The following IGF2R variants were observed in gnomAD, a reference collection of about 807,000 sequenced individuals.
IGF2R encodes insulin like growth factor 2 receptor.
IGF2R carries 91 observed loss-of-function variants against 270.6 expected under a neutral mutation model. That is an observed-to-expected ratio of 0.34 (90% CI 0.28 to 0.40). The LOEUF (loss-of-function observed/expected upper bound fraction) is 0.40. Ranked by LOEUF, IGF2R falls within the 10% of genes least tolerant of loss-of-function variation. The probability of loss-of-function intolerance (pLI) is 1.00; values close to 1 mark genes in which losing one functional copy is unlikely to be tolerated. For missense variants in IGF2R, 2,805 were observed against 3,188.3 expected (o/e 0.88, Z 2.90); for synonymous variants, 1,316 against 1,258.9 (o/e 1.05, Z -0.96).
Position 160,102,509 on chromosome 6 carries a change from G to C in IGF2R, c.6843-10G>C. On this transcript the variant is annotated splice_polypyrimidine_tract_variant and intron_variant, in intron 45 of 47. Transcript: ENST00000356956. The surrounding 1 kb of genome is among the most constrained non-coding windows in gnomAD (Gnocchi z 4.5). ...TGTGACACGGCTCCTTTTCTGTGAC[G>C]TCCTTGCAGGGTGGGCTTTGACAGC... The C allele has an allele frequency of 6.2e-7, 1 of 1,609,702 alleles. No homozygotes were observed. The highest frequency in any genetic ancestry group is 8.5e-7 in the Non-Finnish European group (1 of 1,178,150).
intron 4 of IGF2R, among the ~76,000 whole-genome samples, chr6:160,015,348 A>G (rs2115212074): frequency 6.6e-6 from 1 of 152,358 alleles, no homozygotes; most frequent in East Asian, 1.9e-4. Flanking sequence ...TATTTTGGAA[A>G]TAAAACTTAC....
At position 160,059,057 on chromosome 6, in the gene IGF2R, G is replaced by A. The variant is rs143815364; in HGVS notation, c.3050G>A (p.Gly1017Asp). 8.1e-6 allele frequency: 13 copies of A among 1,614,214 alleles called. No homozygotes were observed. The highest frequency in any genetic ancestry group is 5.3e-5 in the African/African-American group (4 of 75,064). ...AAAAGCCTCCAGCTGTCCACAGAGG[G>A]CTTCATCACTCTGACCTACAAAGGG... is the stretch of plus-strand genomic sequence containing the variant. ...IEKSLQLSTE[G>D]FITLTYKGPL... The change falls in exon 22 of 48, where the codon GGC (glycine) becomes GAC (aspartate). Residue 1017 changes from glycine to aspartate, a missense_variant. Around this residue, in one of 2 missense-constraint regions of IGF2R, gnomAD observed 1,851 missense variants for 2,207.2 expected, o/e 0.84. Coordinates refer to ENST00000356956, the MANE Select transcript of IGF2R (RefSeq NM_000876.4).
chr6:159,987,006 A>T (rs1783898425), intron 1 of IGF2R, among the ~76,000 whole-genome samples: 1 of 152,186 alleles, frequency 6.6e-6, no homozygotes, highest in Non-Finnish European at 1.5e-5. Flanking sequence ...AGTCTGTAAT[A>T]ATTTTATTGC....
intron 41 of IGF2R, among the ~76,000 whole-genome samples, 176 bp downstream of exon 41, chr6:160,085,307 C>A (rs919523648): frequency 6.6e-6 from 1 of 152,102 alleles, no homozygotes; most frequent in Non-Finnish European, 1.5e-5. Context: ...AAAATAAGTG[C>A]TGCTTTGTAT....
At chr6:160,090,328 G>A in intron 44 of IGF2R, 1 of 345,588 alleles carries the variant, frequency 2.9e-6, no homozygotes, top group Non-Finnish European at 5.2e-6. Context: ...TCAAGTAAAT[G>A]TACAAAAAAA....
intron 3 of IGF2R, 31 bp from the exon 4 acceptor site, chr6:160,010,656 T>C (rs199536051): frequency 7.5e-5 from 91 of 1,220,058 alleles, no homozygotes; most frequent in Non-Finnish European, 1.1e-4. Flanking sequence ...TGTGGTATGG[T>C]AACATTATAA....
chr6:159,990,419 C>T (rs1309781564), intron 1 of IGF2R, among the ~76,000 whole-genome samples: 2 of 152,174 alleles, frequency 1.3e-5, no homozygotes, highest in Non-Finnish European at 2.9e-5. Flanking sequence ...TTTTGCTCCG[C>T]ACTTCTCCTT....
chr6:160,103,852 C>T (rs762181151), intron 47 of IGF2R, 37 bp downstream of exon 47: 1 of 1,390,598 alleles, frequency 7.2e-7, no homozygotes, highest in Non-Finnish European at 1.0e-6. Flanking sequence ...AGGCCTGCCT[C>T]CCCGGCCCCC....
At position 160,012,761 on chromosome 6, in the gene IGF2R, ATAT is replaced by A. The variant is rs919336969; in HGVS notation, c.513+1978_513+1980del. On this transcript the variant is annotated intron_variant, in intron 4 of 47. Transcript: ENST00000356956. The stretch of plus-strand genomic sequence containing the variant: ...CCGGCTAATTTATATATATATATAT[ATAT>A]TTTTTTTTTTTTTTGTTTGTTTGTT... Among the ~76,000 whole-genome samples, 11 of 72,592 alleles carry A rather than the reference ATAT, an allele frequency of 1.5e-4. 1 individual carries two copies. In the Middle Eastern group the frequency reaches 0.018, roughly 119 times the overall value. The allele number at this position is 72,592 out of a possible 152,430, so 47.6% of individuals were successfully genotyped here. A position where few individuals can be genotyped will look rare whatever the true frequency, so the allele number is the denominator to read the frequency against.
chr6:160,062,633 T>A lies in IGF2R; in HGVS notation c.3670+14T>A. ...TCAGAGTGGAAGGTAGGACTGGGCCTGTCCCTACAAGTCATTTTAAATGTA... is the reference window on the plus strand; with the variant it reads ...TCAGAGTGGAAGGTAGGACTGGGCCAGTCCCTACAAGTCATTTTAAATGTA... On this transcript the variant is annotated intron_variant, in intron 26 of 47. Transcript: ENST00000356956. 6.3e-7 allele frequency: 1 copy of A among 1,588,194 alleles called. No homozygotes were observed. The highest frequency in any genetic ancestry group is 8.6e-7 in the Non-Finnish European group (1 of 1,157,160).
chr6:160,071,874 G>T (rs201480073), intron 31 of IGF2R, 36 bp from the exon 32 acceptor site: 3 of 1,606,212 alleles, frequency 1.9e-6, no homozygotes, highest in African/African-American at 1.3e-5. Context: ...GAGTTTTTGC[G>T]TGATCCCTTC....
rs1186435174 is a variant in IGF2R, at chr6:160,110,282, T to TA, written c.*5198_*5199insA. ...GAGCATGCTGGGTGGGTGGTCTGTATGAGACCACACCGTTGATGAGCAGTG... is the reference window on the plus strand; with the variant it reads ...GAGCATGCTGGGTGGGTGGTCTGTATAGAGACCACACCGTTGATGAGCAGTG... On this transcript the variant is annotated 3_prime_UTR_variant, in exon 48 of 48. Transcript: ENST00000356956. 7.2e-5 allele frequency: 11 copies of TA among 152,334 alleles called. No individual in the cohort carries two copies. The highest frequency in any genetic ancestry group is 4.1e-4 in the South Asian group (2 of 4,824). The allele number at this position is 152,334 out of a possible 1,614,324, so 9.4% of individuals were successfully genotyped here. A position where few individuals can be genotyped will look rare whatever the true frequency, so the allele number is the denominator to read the frequency against.
chr6:160,023,208 A>AT (rs1194300984), intron 4 of IGF2R, among the ~76,000 whole-genome samples: 2 of 152,058 alleles, frequency 1.3e-5, no homozygotes, highest in Non-Finnish European at 2.9e-5. Flanking sequence ...GGTGGAGGTG[A>AT]TAAGTAGGGA....
At chr6:160,103,059 C>T (rs1191673679) in intron 46 of IGF2R, among the ~76,000 whole-genome samples, 1 of 152,130 alleles carries the variant, frequency 6.6e-6, no homozygotes, top group Non-Finnish European at 1.5e-5. Flanking sequence ...GGTATGATGC[C>T]ATCCTTTTGC....
At chr6:160,066,236 C>T (rs1218432711) in intron 29 of IGF2R, among the ~76,000 whole-genome samples, 15 of 151,792 alleles carry the variant, frequency 9.9e-5, no homozygotes, top group Middle Eastern at 3.4e-3. Context: ...AGGCTGGTCT[C>T]GAACTCTTGA....
In IGF2R at chr6:160,045,833, G is replaced by A; in HGVS notation, c.1854G>A (p.Val618=). Residue 618 remains valine (V), a synonymous_variant, in exon 14 of 48, where the codon GTG becomes GTA. Transcript: ENST00000356956. The part of the protein sequence containing the change: ...EFEWHTAAAC[V]LSKTEGENCT... Reference sequence around the variant, plus strand: ...AGTGGCACACAGCTGCGGCCTGTGTGCTGTCTAAGACAGAAGGGGAGAACT... The same window carrying A: ...AGTGGCACACAGCTGCGGCCTGTGTACTGTCTAAGACAGAAGGGGAGAACT... The A allele has an allele frequency of 6.2e-7, 1 of 1,611,718 alleles. No individual in the cohort carries two copies. Among genetic ancestry groups the A allele is most frequent in the Non-Finnish European group, 8.5e-7 (1 of 1,178,766 alleles).
chr6:159,984,314 G>A (rs1200166417), intron 1 of IGF2R, among the ~76,000 whole-genome samples: 2 of 152,176 alleles, frequency 1.3e-5, no homozygotes, highest in African/African-American at 4.8e-5. Context: ...TTGTAATGTC[G>A]TAGCACAATG....
rs751229072 is a variant in IGF2R at position 160,045,721 on chromosome 6, C to G, written c.1766-24C>G. The G allele has an allele frequency of 1.9e-6, 3 of 1,613,590 alleles. No homozygotes were observed. In the Admixed American group the frequency reaches 5.0e-5, roughly 27 times the overall value. On this transcript the variant is annotated intron_variant, in intron 13 of 47. Coordinates refer to ENST00000356956, the MANE Select transcript of IGF2R (RefSeq NM_000876.4). ...TTTAGGAATGAACGGATTAGTGATC[C>G]CCATCTCTTTTCCCCATTGACAGGT...
chr6:160,024,866 C>T (rs921483854), intron 5 of IGF2R, among the ~76,000 whole-genome samples, 162 bp downstream of exon 5: 4 of 152,166 alleles, frequency 2.6e-5, no homozygotes, highest in African/African-American at 9.7e-5. Context: ...GCACAACCCA[C>T]CTCTTCTCCC....
Sources: gnomAD v4.1 joint callset for allele counts (sites outside exome capture counted in the v4.1 genomes callset) on GRCh38, gnomAD v4.1.1 for gene constraint, gnomAD v4.1.1 regional missense constraint, Gnocchi (gnomAD v3.1) non-coding constraint, MANE v1.5 for transcripts, NCBI Gene and HGNC (gene_info 2026-07-23, HGNC 2026-07-21) for gene names.